The following IQCF1 variants were observed in gnomAD, a reference collection of about 807,000 sequenced individuals.
The protein encoded by IQCF1 is IQ domain-containing protein F1.
A neutral mutation model predicts 12.5 loss-of-function variants in IQCF1; 9 were observed. That is an observed-to-expected ratio of 0.72 (90% CI 0.43 to 1.26). The LOEUF (loss-of-function observed/expected upper bound fraction) is 1.26. Among genes scored for constraint, IQCF1 ranks in the 50% most tolerant of loss-of-function variants. The pLI, the probability that IQCF1 is intolerant of heterozygous loss-of-function variation, is 0.00. For synonymous variants in IQCF1, 67 were observed against 96.2 expected, an observed-to-expected ratio of 0.70 and a Z score of 1.78; for missense variants, 252 against 257.4, an observed-to-expected ratio of 0.98 and a Z score of 0.14.
At chr3:51,898,579 G>C (rs987849747) in intron 2 of IQCF1, among the ~76,000 whole-genome samples, 1 of 151,742 alleles carries the variant, frequency 6.6e-6, no homozygotes. Flanking sequence ...AAACCTCACT[G>C]TGAACACACC....
At chr3:51,897,327 C>T (rs1699019315) in intron 2 of IQCF1, among the ~76,000 whole-genome samples, 1 of 152,238 alleles carries the variant, frequency 6.6e-6, no homozygotes, top group South Asian at 2.1e-4. Flanking sequence ...CTCACCATTG[C>T]TCCGTCTGAA....
At chr3:51,901,783 T>C (rs975759478) in intron 2 of IQCF1, among the ~76,000 whole-genome samples, 2 of 152,222 alleles carry the variant, frequency 1.3e-5, no homozygotes, top group African/African-American at 4.8e-5. Context: ...AATAAAAATA[T>C]AGATTGAATA....
At chr3:51,902,859 T>A in intron 2 of IQCF1, 126 bp downstream of exon 2, 1 of 846,720 alleles carries the variant, frequency 1.2e-6, no homozygotes, top group Non-Finnish European at 2.1e-6. Context: ...AAAAAGAAAA[T>A]TTTATATTTG....
chr3:51,897,072 T>G (rs1167429815), intron 2 of IQCF1, among the ~76,000 whole-genome samples, 178 bp from the exon 3 acceptor site: 1 of 152,226 alleles, frequency 6.6e-6, no homozygotes, highest in African/African-American at 2.4e-5. Flanking sequence ...ATTTTTCGAT[T>G]ACCGGCTCCA....
chr3:51,902,196 G>A (rs1031110776), intron 2 of IQCF1, among the ~76,000 whole-genome samples: 1 of 152,138 alleles, frequency 6.6e-6, no homozygotes, highest in Admixed American at 6.5e-5. Context: ...CACACCATGC[G>A]TCCGTGGGTT....
At position 51,902,975 on chromosome 3, in the gene IQCF1, C is replaced by A; in HGVS notation, c.108+10G>T. On this transcript the variant is annotated intron_variant, in intron 2 of 3. Coordinates refer to ENST00000310914, the MANE Select transcript of IQCF1 (RefSeq NM_152397.3). ...GGGATCAATGACATCCAAGTCAGGG[C>A]TCCTCCTACCTCTGCCTTTGACTCT... 1 of 1,598,870 alleles carries A rather than the reference C, an allele frequency of 6.3e-7. No homozygotes were observed. The highest frequency in any genetic ancestry group is 2.2e-5 in the East Asian group (1 of 44,808).
At chr3:51,896,280 T>C (rs1215214611) in intron 3 of IQCF1, among the ~76,000 whole-genome samples, 2 of 152,200 alleles carry the variant, frequency 1.3e-5, no homozygotes, top group Non-Finnish European at 2.9e-5. Context: ...AGTCAAAAGA[T>C]GTATAAATTC....
At chr3:51,897,441 G>A (rs1387051830) in intron 2 of IQCF1, among the ~76,000 whole-genome samples, 1 of 152,196 alleles carries the variant, frequency 6.6e-6, no homozygotes, top group Non-Finnish European at 1.5e-5. Context: ...TAACAATTTG[G>A]GGGCTCGCCT....
chr3:51,896,711 ACG>A (rs150817790), intron 3 of IQCF1, 119 bp downstream of exon 3: 15,258 of 698,566 alleles, frequency 0.022, 149 homozygotes, highest in East Asian at 0.093. Flanking sequence ...ACACACACAC[ACG>A]CACACACACA....
chr3:51,897,873 G>T (rs1323199174), intron 2 of IQCF1, among the ~76,000 whole-genome samples: 1 of 152,168 alleles, frequency 6.6e-6, no homozygotes, highest in Non-Finnish European at 1.5e-5. Flanking sequence ...CCTGCCATGG[G>T]ATTTATACCA....
At chr3:51,901,320 G>C (rs565160633) in intron 2 of IQCF1, among the ~76,000 whole-genome samples, 1 of 152,310 alleles carries the variant, frequency 6.6e-6, no homozygotes, top group South Asian at 2.1e-4. Flanking sequence ...CTGGCACCCT[G>C]TGGGTCGGCC....
At chr3:51,901,097 G>C (rs1229065221) in intron 2 of IQCF1, among the ~76,000 whole-genome samples, 5 of 152,202 alleles carry the variant, frequency 3.3e-5, no homozygotes, top group Admixed American at 6.5e-5. Context: ...GCAAATGTCT[G>C]GTTGGAATGG....
At chr3:51,898,281 A>T (rs1699035607) in intron 2 of IQCF1, among the ~76,000 whole-genome samples, 1 of 151,834 alleles carries the variant, frequency 6.6e-6, no homozygotes, top group Non-Finnish European at 1.5e-5. Context: ...AGAGAGATGG[A>T]AGTAGTAAAG....
At chr3:51,896,951 TAGCCC>T in intron 2 of IQCF1, 57 bp from the exon 3 acceptor site, 1 of 1,353,716 alleles carries the variant, frequency 7.4e-7, no homozygotes, top group Non-Finnish European at 1.1e-6. Context: ...TTTCTCTTCT[TAGCCC>T]AGCACTGTTA....
In IQCF1 at chr3:51,896,815, G is replaced by C. The variant is rs767231617; in HGVS notation, c.171+17C>G. 6.3e-7 allele frequency: 1 copy of C among 1,593,490 alleles called. No homozygotes were observed. The highest frequency in any genetic ancestry group is 1.1e-5 in the South Asian group (1 of 90,658). Reference sequence around the variant, plus strand: ...CACATCCCCAGCCCCAGCCCTGTGTGGTTTGGGAGGTCATACTTTTTCTGA... The same window carrying C: ...CACATCCCCAGCCCCAGCCCTGTGTCGTTTGGGAGGTCATACTTTTTCTGA... On this transcript the variant is annotated intron_variant, in intron 3 of 3. Coordinates refer to ENST00000310914, the MANE Select transcript of IQCF1 (RefSeq NM_152397.3).
chr3:51,895,044 T>C lies in IQCF1; in HGVS notation c.464A>G (p.Gln155Arg). 2 of 1,614,214 alleles carry C rather than the reference T, an allele frequency of 1.2e-6. No individual in the cohort carries two copies. Among genetic ancestry groups the C allele is most frequent in the Non-Finnish European group, 1.7e-6 (2 of 1,180,026 alleles). Reference protein sequence around the residue: ...CQVLNAVRIIQAYWRCRSCAS... With the variant: ...CQVLNAVRIIRAYWRCRSCAS... ...ACAGGAGCGGCACCTCCAGTAAGCC[T>C]GGATGATGCGAACAGCATTGAGCAC... is the stretch of plus-strand genomic sequence containing the variant. The change falls in exon 4 of 4, where the codon CAG (glutamine) becomes CGG (arginine). Residue 155 changes from glutamine (Q) to arginine (R), a missense_variant. Transcript: ENST00000310914. This position sits in a 1 kb window ranked among gnomAD's most constrained non-coding sequence, Gnocchi z 4.8.
In IQCF1 at chr3:51,896,816, G is replaced by A. The variant is rs1349738883; in HGVS notation, c.171+16C>T. 2.5e-6 allele frequency: 4 copies of A among 1,596,868 alleles called. No homozygotes were observed. The highest frequency in any genetic ancestry group is 1.3e-5 in the African/African-American group (1 of 74,538). Reference sequence around the variant, plus strand: ...ACATCCCCAGCCCCAGCCCTGTGTGGTTTGGGAGGTCATACTTTTTCTGAT... The same window carrying A: ...ACATCCCCAGCCCCAGCCCTGTGTGATTTGGGAGGTCATACTTTTTCTGAT... On this transcript the variant is annotated intron_variant, in intron 3 of 3. Coordinates refer to ENST00000310914, the MANE Select transcript of IQCF1 (RefSeq NM_152397.3).
Position 51,895,292 on chromosome 3 carries a change from G to A in IQCF1, c.216C>T (p.Ala72=). The A allele has an allele frequency of 6.2e-7, 1 of 1,614,032 alleles. No homozygotes were observed. Among genetic ancestry groups the A allele is most frequent in the Non-Finnish European group, 8.5e-7 (1 of 1,179,954 alleles). The change falls in exon 4 of 4, where the codon GCC becomes GCT. Residue 72 remains alanine (A), a synonymous_variant. Coordinates refer to ENST00000310914, the MANE Select transcript of IQCF1 (RefSeq NM_152397.3). The surrounding 1 kb of genome is among the most constrained non-coding windows in gnomAD (Gnocchi z 4.8). ...CCCGCCACCAGGCCTGGATCTTGGT[G>A]GCTACCGTATCTTTGTCAGAGAGCT... ...QKKLSDKDTV[A]TKIQAWWRGT... is the part of the protein sequence containing the mutation.
At chr3:51,899,985 G>T (rs1199904843) in intron 2 of IQCF1, among the ~76,000 whole-genome samples, 3 of 152,144 alleles carry the variant, frequency 2.0e-5, no homozygotes, top group Admixed American at 6.5e-5. Context: ...GGACAATAAA[G>T]TCCACTGCTG....
Sources: allele counts gnomAD v4.1 joint callset (sites outside exome capture counted in the v4.1 genomes callset), GRCh38; gene constraint gnomAD v4.1.1; non-coding constraint Gnocchi (gnomAD v3.1); transcripts MANE v1.5; gene names NCBI Gene and HGNC (gene_info 2026-07-23, HGNC 2026-07-21).